Variants in JAKMIP1 observed in about 807,000 individuals in gnomAD.
JAKMIP1 encodes janus kinase and microtubule-interacting protein 1.
JAKMIP1 carries 33 observed loss-of-function variants against 113.0 expected under a neutral mutation model. That is an observed-to-expected ratio of 0.29 (90% CI 0.22 to 0.39). The LOEUF (loss-of-function observed/expected upper bound fraction) is 0.39, where lower values mean the gene tolerates loss of function less well. Ranked by LOEUF, JAKMIP1 falls within the 10% of genes least tolerant of loss-of-function variation. The probability of loss-of-function intolerance (pLI) is 1.00; values close to 1 mark genes in which losing one functional copy is unlikely to be tolerated. For missense variants in JAKMIP1, 813 were observed against 1,080.5 expected (o/e 0.75, Z 3.47); for synonymous variants, 480 against 459.9 (o/e 1.04, Z -0.56).
At position 6,106,096 on chromosome 4, in the gene JAKMIP1, A is replaced by C; in HGVS notation, c.130-129T>G. ...GACACCCACCTGGGCCCACGTTCCC[A>C]TGGATTCCCCCTTCGGCAGTGCCCT... On this transcript the variant is annotated intron_variant, in intron 2 of 20. Transcript: ENST00000409021. This position sits in a 1 kb window ranked among gnomAD's most constrained non-coding sequence, Gnocchi z 5.9. 1.6e-6 allele frequency: 1 copy of C among 635,070 alleles called. No individual in the cohort carries two copies. Among genetic ancestry groups the C allele is most frequent in the South Asian group, 2.0e-5 (1 of 50,822 alleles). The allele number at this position is 635,070 out of a possible 1,614,324, so 39.3% of individuals were successfully genotyped here.
intron 1 of JAKMIP1, among the ~76,000 whole-genome samples, chr4:6,128,021 T>C (rs946590888): frequency 6.6e-6 from 1 of 152,282 alleles, no homozygotes; most frequent in Middle Eastern, 3.4e-3. Flanking sequence ...CATCTGCCTT[T>C]CACAGGACAA....
Position 6,140,620 on chromosome 4 carries a change from G to A in JAKMIP1, c.-147-27623C>T, listed in dbSNP as rs1720006428. 6.6e-6 allele frequency among the ~76,000 whole-genome samples: 1 copy of A among 152,130 alleles called. No individual in the cohort carries two copies. The highest frequency in any genetic ancestry group is 1.5e-5 in the Non-Finnish European group (1 of 68,024). On this transcript the variant is annotated intron_variant, in intron 1 of 20. Transcript: ENST00000409021. This position sits in a 1 kb window ranked among gnomAD's most constrained non-coding sequence, Gnocchi z 9.4. ...TGTCCCCACTGCTCCTGGAGGGGTG[G>A]AGAAATACATGATTTTGTTTATCTC...
At chr4:6,166,091 A>G (rs1723595840) in intron 1 of JAKMIP1, among the ~76,000 whole-genome samples, 1 of 152,178 alleles carries the variant, frequency 6.6e-6, no homozygotes, top group African/African-American at 2.4e-5. Context: ...TCCCACTCAG[A>G]AAACTCAGGA....
rs892308501 is a variant in JAKMIP1, at chr4:6,199,611, G to C, written c.-148+642C>G. Among the ~76,000 whole-genome samples the C allele has an allele frequency of 6.6e-6, 1 of 151,960 alleles. No homozygotes were observed. The highest frequency in any genetic ancestry group is 1.9e-4 in the East Asian group (1 of 5,144). On this transcript the variant is annotated intron_variant, in intron 1 of 20. Coordinates refer to ENST00000409021, the MANE Select transcript of JAKMIP1 (RefSeq NM_001099433.2). This position sits in a 1 kb window ranked among gnomAD's most constrained non-coding sequence, Gnocchi z 5.6. The stretch of plus-strand genomic sequence containing the variant: ...GTGCCAGCCTTTCTTCCCATCTCTC[G>C]AGCCTCCTCCCCGGCGCCCACGTGG...
intron 11 of JAKMIP1, 116 bp from the exon 12 acceptor site, chr4:6,056,875 AATGACAGCCGTG>A: frequency 1.3e-6 from 1 of 776,046 alleles, no homozygotes; most frequent in South Asian, 1.4e-5. Flanking sequence ...GGTCATAAAA[AATGACAGCCGTG>A]ATGTGCCCTC....
chr4:6,040,488 G>C lies in JAKMIP1; in HGVS notation c.2175+151C>G. 1.4e-6 allele frequency: 1 copy of C among 708,742 alleles called. No homozygotes were observed. Among genetic ancestry groups the C allele is most frequent in the African/African-American group, 1.7e-5 (1 of 57,172 alleles). The allele number at this position is 708,742 out of a possible 1,614,324, so 43.9% of individuals were successfully genotyped here. The stretch of plus-strand genomic sequence containing the variant: ...ATTTGGAAAAAGGGACAGTCTGTAC[G>C]GTCATTCCAGTCACAAGGTGGAGAT... On this transcript the variant is annotated intron_variant, in intron 18 of 20. Transcript: ENST00000409021. This position sits in a 1 kb window ranked among gnomAD's most constrained non-coding sequence, Gnocchi z 5.8.
At chr4:6,128,628 G>A (rs1157081866) in intron 1 of JAKMIP1, among the ~76,000 whole-genome samples, 1 of 152,156 alleles carries the variant, frequency 6.6e-6, no homozygotes, top group African/African-American at 2.4e-5. Context: ...AAACACGGGA[G>A]CCACGTGCCT....
At position 6,137,380 on chromosome 4, in the gene JAKMIP1, C is replaced by T. The variant is rs1719398424; in HGVS notation, c.-147-24383G>A. On this transcript the variant is annotated intron_variant, in intron 1 of 20. Transcript: ENST00000409021. The surrounding 1 kb of genome is among the most constrained non-coding windows in gnomAD (Gnocchi z 4.5). ...TTAGACGGCACTGTTCCCGTACCTT[C>T]GCTGGGAGTCAGGAAATTCACGGCT... is the stretch of plus-strand genomic sequence containing the variant. 6.6e-6 allele frequency among the ~76,000 whole-genome samples: 1 copy of T among 152,218 alleles called. No homozygotes were observed. Among genetic ancestry groups the T allele is most frequent in the Non-Finnish European group, 1.5e-5 (1 of 68,042 alleles).
chr4:6,182,402 C>T (rs1387530316), intron 1 of JAKMIP1, among the ~76,000 whole-genome samples: 17 of 107,806 alleles, frequency 1.6e-4, no homozygotes, highest in Non-Finnish European at 2.8e-4. Flanking sequence ...GAGCGAGACC[C>T]TGTCTCAGAA....
rs1459415402 is a variant in JAKMIP1, at chr4:6,067,020, A to G, written c.1303-2012T>C. On this transcript the variant is annotated intron_variant, in intron 8 of 20. Transcript: ENST00000409021. The surrounding 1 kb of genome is among the most constrained non-coding windows in gnomAD (Gnocchi z 4.6). ...CTCTGCACAAATGCAACCATATGAG[A>G]AAAGGCTTCCTGGCCACCATGCCCA... is the stretch of plus-strand genomic sequence containing the variant. Among the ~76,000 whole-genome samples the G allele has an allele frequency of 2.0e-5, 3 of 152,064 alleles. No individual in the cohort carries two copies. The highest frequency in any genetic ancestry group is 4.8e-5 in the African/African-American group (2 of 41,412).
In JAKMIP1 at chr4:6,154,130, G is replaced by A. The variant is rs1405367759; in HGVS notation, c.-147-41133C>T. Among the ~76,000 whole-genome samples the A allele has an allele frequency of 6.6e-6, 1 of 152,202 alleles. No individual in the cohort carries two copies. Among genetic ancestry groups the A allele is most frequent in the Non-Finnish European group, 1.5e-5 (1 of 68,038 alleles). ...AGAAGGCACAGGCTTGTGTCCTGCA[G>A]AGCTGATAAACCCTGCACTCAGGGA... On this transcript the variant is annotated intron_variant, in intron 1 of 20. Transcript: ENST00000409021. This position sits in a 1 kb window ranked among gnomAD's most constrained non-coding sequence, Gnocchi z 4.2.
chr4:6,056,811 A>G, intron 11 of JAKMIP1, 52 bp from the exon 12 acceptor site: 1 of 1,265,360 alleles, frequency 7.9e-7, no homozygotes, highest in Admixed American at 1.7e-5. Flanking sequence ...ACAGATGGTC[A>G]AGTAACAAAC....
In JAKMIP1 at chr4:6,106,533, C is replaced by T. The variant is rs1315366529; in HGVS notation, c.130-566G>A. ...AGTAGCGTGCTCCCTCTCTTTCTCC[C>T]TCTCTCCTCTCTCTCTCTCTCTCTT... On this transcript the variant is annotated intron_variant, in intron 2 of 20. Transcript: ENST00000409021. This position sits in a 1 kb window ranked among gnomAD's most constrained non-coding sequence, Gnocchi z 5.9. 7.0e-6 allele frequency among the ~76,000 whole-genome samples: 1 copy of T among 141,964 alleles called. No homozygotes were observed. Among genetic ancestry groups the T allele is most frequent in the African/African-American group, 2.8e-5 (1 of 36,302 alleles). The allele number at this position is 141,964 out of a possible 152,430, so 93.1% of individuals were successfully genotyped here. A position where few individuals can be genotyped will look rare whatever the true frequency, so the allele number is the denominator to read the frequency against.
Position 6,138,517 on chromosome 4 carries a change from G to A in JAKMIP1, c.-147-25520C>T, listed in dbSNP as rs575743859. On this transcript the variant is annotated intron_variant, in intron 1 of 20. Transcript: ENST00000409021. This position sits in a 1 kb window ranked among gnomAD's most constrained non-coding sequence, Gnocchi z 6.0. ...CTCCCAAAATGCTGGGATTACAGGC[G>A]TGAGCCACTGCACCTGGCCTAGAAT... 1.5e-4 allele frequency among the ~76,000 whole-genome samples: 23 copies of A among 152,032 alleles called. No individual in the cohort carries two copies. In the East Asian group the frequency reaches 2.9e-3, roughly 19 times the overall value.
chr4:6,133,290 T>C (rs188444864), intron 1 of JAKMIP1, among the ~76,000 whole-genome samples: 34 of 152,328 alleles, frequency 2.2e-4, no homozygotes, highest in African/African-American at 7.2e-4. Flanking sequence ...ATGGGGATGG[T>C]GACTTCGAGC....
rs1344474441 is a variant in JAKMIP1 at position 6,049,132 on chromosome 4, AT to A, written c.1963-211del. ...AACCTCTGCCTCCTGGGTTCAAGTG[AT>A]TCTCTTGCCTCAGCCTCCCGAGTAG... On this transcript the variant is annotated intron_variant, in intron 15 of 20. Coordinates refer to ENST00000409021, the MANE Select transcript of JAKMIP1 (RefSeq NM_001099433.2). This position sits in a 1 kb window ranked among gnomAD's most constrained non-coding sequence, Gnocchi z 7.0. Among the ~76,000 whole-genome samples the A allele has an allele frequency of 6.6e-6, 1 of 151,888 alleles. No individual in the cohort carries two copies. Among genetic ancestry groups the A allele is most frequent in the East Asian group, 1.9e-4 (1 of 5,154 alleles).
At position 6,171,171 on chromosome 4, in the gene JAKMIP1, C is replaced by T. The variant is rs541824082; in HGVS notation, c.-148+29082G>A. Among the ~76,000 whole-genome samples the T allele has an allele frequency of 1.7e-3, 264 of 151,110 alleles. 3 individuals carry two copies. The highest frequency in any genetic ancestry group is 6.1e-3 in the African/African-American group (250 of 41,120). Reference sequence around the variant, plus strand: ...ATCATCACCACCACCATCTCCATCACCATTACCACCACCATCACCATCATC... The same window carrying T: ...ATCATCACCACCACCATCTCCATCATCATTACCACCACCATCACCATCATC... On this transcript the variant is annotated intron_variant, in intron 1 of 20. Transcript: ENST00000409021.
Position 6,129,583 on chromosome 4 carries a change from C to T in JAKMIP1, c.-147-16586G>A, listed in dbSNP as rs145196531. Among the ~76,000 whole-genome samples the T allele has an allele frequency of 7.8e-4, 119 of 152,274 alleles. No individual in the cohort carries two copies. The East Asian group carries it at 0.02, about 25-fold the overall frequency. On this transcript the variant is annotated intron_variant, in intron 1 of 20. Coordinates refer to ENST00000409021, the MANE Select transcript of JAKMIP1 (RefSeq NM_001099433.2). The surrounding 1 kb of genome is among the most constrained non-coding windows in gnomAD (Gnocchi z 5.4). ...GGATACCAAGCAGGACCCACCGTGC[C>T]CTGCCCTCATGATGCTGATGGCCAT...
At chr4:6,107,754 GGGGT>G (rs1285681038) in intron 2 of JAKMIP1, among the ~76,000 whole-genome samples, 3 of 140,376 alleles carry the variant, frequency 2.1e-5, no homozygotes, top group African/African-American at 9.4e-5. Flanking sequence ...CACTCTGTGG[GGGGT>G]GTGTGTGTGT....
Sources: allele counts gnomAD v4.1 joint callset (sites outside exome capture counted in the v4.1 genomes callset), GRCh38; gene constraint gnomAD v4.1.1; non-coding constraint Gnocchi (gnomAD v3.1); transcripts MANE v1.5; gene names NCBI Gene and HGNC (gene_info 2026-07-23, HGNC 2026-07-21).